Variants in KMT2C observed in about 807,000 individuals in gnomAD.
KMT2C encodes lysine methyltransferase 2C.
In KMT2C, 88 loss-of-function variants were observed where a neutral mutation model predicts 507.9. The ratio of observed to expected loss-of-function variants is 0.17; its 90% CI spans 0.15 to 0.21. The LOEUF is 0.21. Among genes scored for constraint, KMT2C ranks in the 10% least tolerant of loss-of-function variants. The pLI is 1.00. For missense variants in KMT2C, 4,954 were observed against 5,957.8 expected (o/e 0.83, Z 5.55); for synonymous variants, 2,049 against 2,080.8 (o/e 0.98, Z 0.42).
In KMT2C at chr7:152,176,709, G is replaced by C. The variant is rs146395819; in HGVS notation, c.8744C>G (p.Thr2915Ser). The C allele has an allele frequency of 3.7e-6, 6 of 1,614,156 alleles. No individual in the cohort carries two copies. Among genetic ancestry groups the C allele is most frequent in the Non-Finnish European group, 5.1e-6 (6 of 1,180,006 alleles). ...AGCAAGTAAACTTGAGAGAACTGGA[G>C]TTGATCCAGTTATGCCACAAGAGTT... ...VINSCGITGSTPVLSSLLANE... is the reference protein window; with the variant it reads ...VINSCGITGSSPVLSSLLANE... The change falls in exon 38 of 59, where the codon ACT becomes AGT. Residue 2915 changes from threonine to serine, a missense_variant. Around this residue, in one of 29 missense-constraint regions of KMT2C, gnomAD observed 1,689 missense variants for 1,654.3 expected, o/e 1.02. Transcript: ENST00000262189.
At chr7:152,286,216 G>A (rs1202979052) in intron 6 of KMT2C, among the ~76,000 whole-genome samples, 4 of 152,304 alleles carry the variant, frequency 2.6e-5, no homozygotes, top group Non-Finnish European at 5.9e-5. Flanking sequence ...AGTTACAGAG[G>A]AAGAGGAGAG....
chr7:152,158,894 G>A lies in KMT2C; in HGVS notation c.11639C>T (p.Ser3880Phe), dbSNP rs778118057. The change falls in exon 44 of 59, where the codon TCT becomes TTT. Residue 3880 changes from serine to phenylalanine, a missense_variant. Around this residue, in one of 29 missense-constraint regions of KMT2C, gnomAD observed 801 missense variants for 751.2 expected, o/e 1.07. Coordinates refer to ENST00000262189, the MANE Select transcript of KMT2C (RefSeq NM_170606.3). ...CAAGTGGGTAAACGTGTCAGTGCTA[G>A]AGTACATAGCTTGTTTCTCCTCTTC... ...KDEEEKQAMY[S>F]STDTFTHLKQ... 1 of 1,614,126 alleles carries A rather than the reference G, an allele frequency of 6.2e-7. No individual in the cohort carries two copies.
intron 6 of KMT2C, among the ~76,000 whole-genome samples, chr7:152,286,754 A>G (rs1461567211): frequency 6.6e-6 from 1 of 152,180 alleles, no homozygotes; most frequent in Non-Finnish European, 1.5e-5. Flanking sequence ...GGAGCCAAGA[A>G]ACAAAAGAGG....
intron 1 of KMT2C, among the ~76,000 whole-genome samples, chr7:152,397,580 G>T (rs2097544760): frequency 6.6e-6 from 1 of 152,040 alleles, no homozygotes; most frequent in South Asian, 2.1e-4. Flanking sequence ...TTGGGAGATG[G>T]GAGGATCCCT....
chr7:152,183,730 C>T (rs1397209939), intron 34 of KMT2C, among the ~76,000 whole-genome samples: 1 of 152,086 alleles, frequency 6.6e-6, no homozygotes, highest in South Asian at 2.1e-4. Context: ...CACCCCATCT[C>T]TACTAAAAAT....
intron 9 of KMT2C, among the ~76,000 whole-genome samples, chr7:152,259,506 G>A (rs2095730048): frequency 6.9e-6 from 1 of 144,350 alleles, no homozygotes; most frequent in Non-Finnish European, 1.5e-5. Context: ...AGCAAGAGAG[G>A]GCATGCCCAG....
intron 1 of KMT2C, among the ~76,000 whole-genome samples, chr7:152,388,851 C>T (rs1338573994): frequency 1.3e-5 from 2 of 152,244 alleles, no homozygotes; most frequent in Admixed American, 6.5e-5. Context: ...CGGGTTCAAG[C>T]GATTCTCCTG....
At chr7:152,363,967 G>C (rs750472477) in intron 1 of KMT2C, among the ~76,000 whole-genome samples, 1 of 152,140 alleles carries the variant, frequency 6.6e-6, no homozygotes, top group Non-Finnish European at 1.5e-5. Flanking sequence ...AGCCAGAGTG[G>C]CAAGACCTCA....
In KMT2C at chr7:152,263,115, A is replaced by G; in HGVS notation, c.1200T>C (p.Asp400=). The change falls in exon 9 of 59, where the codon GAT becomes GAC. Residue 400 remains aspartate (D), a synonymous_variant. Transcript: ENST00000262189. ...VCQNCKQSGE[D]SKMLVCDTCD... ...ACGTATCACACACTAGCATCTTGCT[A>G]TCTTCTCCCGATTGTCTAAAAAATA... is the stretch of plus-strand genomic sequence containing the variant. 1 of 1,610,318 alleles carries G rather than the reference A, an allele frequency of 6.2e-7. No individual in the cohort carries two copies. Among genetic ancestry groups the G allele is most frequent in the Non-Finnish European group, 8.5e-7 (1 of 1,179,328 alleles).
intron 1 of KMT2C, chr7:152,368,691 G>C: frequency 7.2e-7 from 1 of 1,389,532 alleles, no homozygotes; most frequent in Non-Finnish European, 1.0e-6. Flanking sequence ...TTACGTATTA[G>C]TTGCCAATAT....
At chr7:152,252,811 G>A (rs1332346169) in intron 9 of KMT2C, 96 bp from the exon 10 acceptor site, 1 of 860,384 alleles carries the variant, frequency 1.2e-6, no homozygotes, top group Non-Finnish European at 1.7e-6. Flanking sequence ...ATCATTTGTG[G>A]ATTATACATT....
intron 1 of KMT2C, among the ~76,000 whole-genome samples, chr7:152,435,163 C>T (rs2097904941): frequency 6.6e-6 from 1 of 152,122 alleles, no homozygotes; most frequent in African/African-American, 2.4e-5. Flanking sequence ...GCCCCCAGCC[C>T]GCGCCCCGAG....
At chr7:152,353,591 G>A (rs934175153) in intron 2 of KMT2C, among the ~76,000 whole-genome samples, 7 of 151,964 alleles carry the variant, frequency 4.6e-5, no homozygotes, top group South Asian at 2.1e-4. Context: ...GGTGTCTCCC[G>A]GGCTCAAGCG....
chr7:152,141,306 A>C (rs908887962), intron 55 of KMT2C, among the ~76,000 whole-genome samples: 2 of 152,164 alleles, frequency 1.3e-5, no homozygotes, highest in African/African-American at 4.8e-5. Flanking sequence ...TCTGGGTGAC[A>C]GAGTGAGACT....
At chr7:152,395,858 C>G (rs1161453585) in intron 1 of KMT2C, among the ~76,000 whole-genome samples, 1 of 152,102 alleles carries the variant, frequency 6.6e-6, no homozygotes, top group East Asian at 1.9e-4. Flanking sequence ...AGTATTTTCC[C>G]CACACTTTGA....
In KMT2C at chr7:152,193,250, T is replaced by C. The variant is rs186386410; in HGVS notation, c.4660+759A>G. On this transcript the variant is annotated intron_variant, in intron 31 of 58. Coordinates refer to ENST00000262189, the MANE Select transcript of KMT2C (RefSeq NM_170606.3). ...ACTCCATAAACTCCTTCCTATAGAT[T>C]CCCATACCTGTACCAATTTCCCTAT... 3.3e-3 allele frequency among the ~76,000 whole-genome samples: 503 copies of C among 152,278 alleles called. 2 individuals are homozygous for C. Among genetic ancestry groups the C allele is most frequent in the African/African-American group, 0.012 (483 of 41,552 alleles).
intron 14 of KMT2C, among the ~76,000 whole-genome samples, chr7:152,246,380 A>C (rs1416613692): frequency 1.3e-5 from 2 of 152,184 alleles, no homozygotes; most frequent in Non-Finnish European, 2.9e-5. Flanking sequence ...AATCAAAGAC[A>C]GCTCAGCAAA....
At chr7:152,433,118 A>T (rs2116803772) in intron 1 of KMT2C, among the ~76,000 whole-genome samples, 1 of 152,088 alleles carries the variant, frequency 6.6e-6, no homozygotes, top group Middle Eastern at 3.4e-3. Flanking sequence ...ACTGCACTAC[A>T]GCCTGGGCTA....
chr7:152,396,087 G>A (rs1589715873), intron 1 of KMT2C, among the ~76,000 whole-genome samples: 2 of 152,156 alleles, frequency 1.3e-5, no homozygotes, highest in Non-Finnish European at 2.9e-5. Context: ...TACTAAGTGT[G>A]AGGCTGGGAT....
Sources: gnomAD v4.1 joint callset for allele counts (sites outside exome capture counted in the v4.1 genomes callset) on GRCh38, gnomAD v4.1.1 for gene constraint, gnomAD v4.1.1 regional missense constraint, MANE v1.5 for transcripts, NCBI Gene and HGNC (gene_info 2026-07-23, HGNC 2026-07-21) for gene names.